Variants in SYN3 observed in about 807,000 individuals in gnomAD.
SYN3 encodes the protein synapsin III.
SYN3 carries 35 observed loss-of-function variants against 65.8 expected under a neutral mutation model. The observed-to-expected ratio is 0.53, with a 90% confidence interval of 0.41 to 0.70. SYN3 has a LOEUF of 0.70. Among genes scored for constraint, SYN3 ranks in the 30% least tolerant of loss-of-function variants. SYN3 has a pLI of 0.00. For missense variants in SYN3, 680 were observed against 749.0 expected, an observed-to-expected ratio of 0.91 and a Z score of 1.08; for synonymous variants, 270 against 292.9, an observed-to-expected ratio of 0.92 and a Z score of 0.80.
intron 7 of SYN3, among the ~76,000 whole-genome samples, chr22:32,545,449 G>C (rs1032981024): frequency 6.6e-6 from 1 of 152,200 alleles, no homozygotes; most frequent in Admixed American, 6.5e-5. Context: ...ATGCAGGAGT[G>C]GGCAGGCGCC....
chr22:32,597,572 G>A (rs951600305), intron 6 of SYN3, among the ~76,000 whole-genome samples: 1 of 152,024 alleles, frequency 6.6e-6, no homozygotes. Context: ...CTTCCCTTAA[G>A]CCTCCCCAGG....
At chr22:32,546,840 C>G (rs1482002782) in intron 7 of SYN3, among the ~76,000 whole-genome samples, 3 of 152,076 alleles carry the variant, frequency 2.0e-5, no homozygotes, top group Non-Finnish European at 4.4e-5. Flanking sequence ...CCTTGCCTCC[C>G]TCGCCCCTCT....
chr22:33,034,320 C>T (rs552477380), intron 1 of SYN3, among the ~76,000 whole-genome samples: 2 of 151,784 alleles, frequency 1.3e-5, no homozygotes, highest in East Asian at 3.9e-4. Context: ...GATCTTGACT[C>T]ACTGCAACCT....
At chr22:32,529,056 G>A in intron 10 of SYN3, 48 bp from the exon 11 acceptor site, 7 of 1,611,188 alleles carry the variant, frequency 4.3e-6, no homozygotes, top group Non-Finnish European at 5.9e-6. Flanking sequence ...CAGGAGAGAT[G>A]GCGGTTGGGC....
chr22:33,054,670 C>A (rs2054227300), intron 1 of SYN3, among the ~76,000 whole-genome samples: 1 of 152,180 alleles, frequency 6.6e-6, no homozygotes, highest in African/African-American at 2.4e-5. Flanking sequence ...ACTATGTAAC[C>A]TTTTGTGTCT....
At chr22:32,653,707 G>A (rs763384982) in intron 6 of SYN3, among the ~76,000 whole-genome samples, 3 of 152,150 alleles carry the variant, frequency 2.0e-5, no homozygotes, top group African/African-American at 7.2e-5. Flanking sequence ...TTGAGTTAAC[G>A]GGATCAGGAA....
At chr22:32,584,145 G>A (rs946136920) in intron 7 of SYN3, 1 of 152,186 alleles carries the variant, frequency 6.6e-6, no homozygotes, top group Non-Finnish European at 1.5e-5. Context: ...TGGATTTGAG[G>A]TTTCCTCCTG....
chr22:32,658,333 A>G (rs2060170751), intron 6 of SYN3, among the ~76,000 whole-genome samples: 2 of 152,120 alleles, frequency 1.3e-5, no homozygotes, highest in Non-Finnish European at 2.9e-5. Flanking sequence ...ACTTCCCCCA[A>G]CCCCGCTTTC....
chr22:32,725,544 C>T (rs147279466), intron 6 of SYN3, among the ~76,000 whole-genome samples: 15 of 152,124 alleles, frequency 9.9e-5, no homozygotes, highest in Non-Finnish European at 1.8e-4. Flanking sequence ...TTGCATTCTA[C>T]GCGTGGGCTG....
chr22:32,611,482 T>TG (rs1183358603), intron 6 of SYN3, among the ~76,000 whole-genome samples: 1 of 151,706 alleles, frequency 6.6e-6, no homozygotes, highest in African/African-American at 2.4e-5. Context: ...TTAGTAGAGG[T>TG]GGGGATTCAC....
At chr22:33,027,456 G>C (rs1236420334) in intron 1 of SYN3, among the ~76,000 whole-genome samples, 2 of 151,970 alleles carry the variant, frequency 1.3e-5, no homozygotes, top group Non-Finnish European at 2.9e-5. Flanking sequence ...AATTAGCCGG[G>C]CATGGTGGCT....
At chr22:32,761,193 G>A (rs1035259866) in intron 6 of SYN3, among the ~76,000 whole-genome samples, 1 of 152,222 alleles carries the variant, frequency 6.6e-6, no homozygotes, top group African/African-American at 2.4e-5. Flanking sequence ...CAAAGGTGCT[G>A]TGTGACCCAG....
intron 6 of SYN3, among the ~76,000 whole-genome samples, chr22:32,847,826 A>G (rs1217928800): frequency 6.6e-6 from 1 of 152,224 alleles, no homozygotes; most frequent in Non-Finnish European, 1.5e-5. Flanking sequence ...AAGGAGTTCA[A>G]TTTGTAATTC....
intron 1 of SYN3, among the ~76,000 whole-genome samples, chr22:33,027,681 AAGAAAG>A (rs1313612512): frequency 1.3e-5 from 2 of 151,810 alleles, no homozygotes; most frequent in Admixed American, 1.3e-4. Context: ...AAAGAAAAGA[AAGAAAG>A]AGAAAGAAAG....
intron 1 of SYN3, among the ~76,000 whole-genome samples, chr22:33,024,525 G>C (rs1325132595): frequency 6.6e-6 from 1 of 152,176 alleles, no homozygotes; most frequent in Non-Finnish European, 1.5e-5. Context: ...TTGGAGTACA[G>C]GGAAAAATGG....
intron 6 of SYN3, among the ~76,000 whole-genome samples, chr22:32,682,692 G>A (rs1248905937): frequency 1.3e-5 from 2 of 152,222 alleles, no homozygotes; most frequent in Admixed American, 1.3e-4. Flanking sequence ...GAGGCTTTGA[G>A]TAGAAAGAAG....
chr22:32,738,660 C>T lies in SYN3; in HGVS notation c.711+126255G>A, dbSNP rs149627906. Among the ~76,000 whole-genome samples the T allele has an allele frequency of 8.3e-3, 1,270 of 152,296 alleles. 26 individuals are homozygous for T. The highest frequency in any genetic ancestry group is 0.029 in the African/African-American group (1,212 of 41,550). On this transcript the variant is annotated intron_variant, in intron 6 of 13. Coordinates refer to ENST00000358763, the MANE Select transcript of SYN3 (RefSeq NM_003490.4). ...GGGATGTGTGAACCAAGTATTAATG[C>T]ATGAGTAGGAATTTGCCAGCCAGAG...
chr22:32,755,879 T>C (rs2145683821), intron 6 of SYN3, among the ~76,000 whole-genome samples: 1 of 152,238 alleles, frequency 6.6e-6, no homozygotes, highest in East Asian at 1.9e-4. Context: ...CACCATGGAA[T>C]ACTATACAGC....
chr22:32,545,677 C>T (rs959908520), intron 7 of SYN3, among the ~76,000 whole-genome samples: 1 of 152,146 alleles, frequency 6.6e-6, no homozygotes, highest in African/African-American at 2.4e-5. Context: ...TCTCTTGCTT[C>T]AGCCTCTCAA....
Sources: gnomAD v4.1 joint callset for allele counts (sites outside exome capture counted in the v4.1 genomes callset) on GRCh38, gnomAD v4.1.1 for gene constraint, MANE v1.5 for transcripts, NCBI Gene and HGNC (gene_info 2026-07-23, HGNC 2026-07-21) for gene names.